The following WBP2 variants were observed in gnomAD, a reference collection of about 807,000 sequenced individuals.
WBP2 encodes the protein WW domain binding protein 2.
In WBP2, 23 loss-of-function variants were observed where a neutral mutation model predicts 33.0. The observed-to-expected ratio is 0.70, with a 90% CI of 0.50 to 0.99. WBP2 has a LOEUF of 0.99. Among genes scored for constraint, WBP2 ranks in the 50% least tolerant of loss-of-function variants. The probability of loss-of-function intolerance (pLI) is 0.00; values close to 1 mark genes in which losing one functional copy is unlikely to be tolerated. For synonymous variants in WBP2, 153 were observed against 133.5 expected (o/e 1.15, Z -1.01); for missense variants, 353 against 358.0 (o/e 0.99, Z 0.11).
In WBP2 at chr17:75,848,633, A is replaced by G. The variant is rs2065009957; in HGVS notation, c.334T>C (p.Leu112=). The change falls in exon 4 of 8, where the codon TTG becomes CTG. Residue 112 remains leucine, a synonymous_variant. Coordinates refer to ENST00000254806, the MANE Select transcript of WBP2 (RefSeq NM_012478.4). ...GGWEGSASYK[L]TFTAGGAIEF... is the part of the protein sequence containing the mutation. ...ATGGCGCCCCCTGCCGTGAAAGTCA[A>G]CTTGTAGGAAGCAGAGCCTTCCCAG... 5.6e-6 allele frequency: 9 copies of G among 1,614,046 alleles called. No individual in the cohort carries two copies. The East Asian group carries it at 2.0e-4, about 36-fold the overall frequency.
rs11645 is a variant in WBP2 at position 75,846,412 on chromosome 17, G to C, written c.*322C>G. The C allele has an allele frequency of 7.0e-6, 3 of 429,166 alleles. No homozygotes were observed. Among genetic ancestry groups the C allele is most frequent in the African/African-American group, 6.2e-5 (3 of 48,640 alleles). The allele number at this position is 429,166 out of a possible 1,614,324, so 26.6% of individuals were successfully genotyped here. ...CTGAGGGAGCTGGACTGCGGTGGAG[G>C]AGGTGGCCAGAGAGTCCCTTCGAGG... On this transcript the variant is annotated 3_prime_UTR_variant, in exon 8 of 8. Transcript: ENST00000254806. This position sits in a 1 kb window ranked among gnomAD's most constrained non-coding sequence, Gnocchi z 4.8.
Position 75,846,949 on chromosome 17 carries a change from A to G in WBP2, c.691T>C (p.Tyr231His). The G allele has an allele frequency of 6.2e-7, 1 of 1,614,082 alleles. No homozygotes were observed. The highest frequency in any genetic ancestry group is 8.5e-7 in the Non-Finnish European group (1 of 1,179,986). Residue 231 changes from tyrosine to histidine, a missense_variant, in exon 7 of 8, where the codon TAT (tyrosine) becomes CAT (histidine). Physicochemically the swap from Tyr to His is moderately conservative, Grantham distance 83 (BLOSUM62 2). Transcript: ENST00000254806. The surrounding 1 kb of genome is among the most constrained non-coding windows in gnomAD (Gnocchi z 4.8). ...AKAAEAAASA[Y>H]YNPGNPHNVY... is the part of the protein sequence containing the mutation. ...TTGTGAGGATTGCCTGGGTTGTAAT[A>G]GGCGCTGGCGGCTGCTTCTGCGGCC...
chr17:75,848,022 C>T (rs2065005826), intron 4 of WBP2, 92 bp from the exon 5 acceptor site: 2 of 1,493,314 alleles, frequency 1.3e-6, no homozygotes, highest in Admixed American at 2.0e-5. Flanking sequence ...GCTACTGGGT[C>T]TCAGGAATGT....
chr17:75,848,208 A>G, intron 4 of WBP2: 1 of 592,064 alleles, frequency 1.7e-6, no homozygotes, highest in Non-Finnish European at 3.0e-6. Context: ...CTGGGGTAGG[A>G]GTGAGCTGGC....
At position 75,846,598 on chromosome 17, in the gene WBP2, C is replaced by A; in HGVS notation, c.*136G>T. 8.7e-7 allele frequency: 1 copy of A among 1,149,410 alleles called. No individual in the cohort carries two copies. The highest frequency in any genetic ancestry group is 1.3e-6 in the Non-Finnish European group (1 of 787,134). 71.2% of individuals were successfully genotyped at this position (1,149,410 alleles called of 1,614,324 possible). A position where few individuals can be genotyped will look rare whatever the true frequency, so the allele number is the denominator to read the frequency against. ...CCGGGGGCCCTAATGTCCCACAATG[C>A]TAGTTCCTGGTAATTGTTTATGATC... On this transcript the variant is annotated 3_prime_UTR_variant, in exon 8 of 8. Coordinates refer to ENST00000254806, the MANE Select transcript of WBP2 (RefSeq NM_012478.4). This position sits in a 1 kb window ranked among gnomAD's most constrained non-coding sequence, Gnocchi z 4.8.
At chr17:75,851,285 C>A (rs942740241) in intron 2 of WBP2, 8 of 316,148 alleles carry the variant, frequency 2.5e-5, no homozygotes, top group African/African-American at 1.7e-4. Flanking sequence ...CCTCCAGGCC[C>A]AAGTCATGCC....
intron 3 of WBP2, chr17:75,848,869 G>A: frequency 3.4e-6 from 2 of 595,900 alleles, no homozygotes; most frequent in Non-Finnish European, 6.0e-6. Context: ...TGGCCCTGCT[G>A]TACTCGCTTC....
intron 2 of WBP2, chr17:75,851,131 T>G (rs1388474512): frequency 6.2e-6 from 1 of 160,124 alleles, no homozygotes; most frequent in Non-Finnish European, 1.4e-5. Context: ...TTTGTCATTC[T>G]GCGGGGTGGT....
intron 1 of WBP2, chr17:75,852,676 C>T (rs996374491): frequency 2.0e-5 from 8 of 400,704 alleles, no homozygotes; most frequent in African/African-American, 6.5e-5. Flanking sequence ...AGGATGGTCT[C>T]GATCTCCTGA....
In WBP2 at chr17:75,847,943, G is replaced by A. The variant is rs1460723238; in HGVS notation, c.398-13C>T. 1 of 1,562,696 alleles carries A rather than the reference G, an allele frequency of 6.4e-7. No individual in the cohort carries two copies. The highest frequency in any genetic ancestry group is 1.2e-5 in the South Asian group (1 of 84,896). ...TCACCTCTGGAGGCTACGAGTACAA[G>A]GGGAAAGAGAAATGAGCGTGGCCTG... On this transcript the variant is annotated splice_polypyrimidine_tract_variant and intron_variant, in intron 4 of 7. Transcript: ENST00000254806.
In WBP2 at chr17:75,847,605, G is replaced by A. The variant is rs1397968138; in HGVS notation, c.537C>T (p.Phe179=). Residue 179 remains phenylalanine, a synonymous_variant, in exon 6 of 8, where the codon TTC becomes TTT. Coordinates refer to ENST00000254806, the MANE Select transcript of WBP2 (RefSeq NM_012478.4). ...CGTCCATCATGGGGGGTCCTGGATA[G>A]AACTCTGCTCGGTGAGAGAGTAACA... ...GYPYPPPPPE[F]YPGPPMMDGA... is the part of the protein sequence containing the mutation. The A allele has an allele frequency of 6.8e-6, 11 of 1,612,974 alleles. No homozygotes were observed. Among genetic ancestry groups the A allele is most frequent in the Non-Finnish European group, 9.3e-6 (11 of 1,179,702 alleles).
chr17:75,855,177 C>A, intron 1 of WBP2, 62 bp downstream of exon 1: 1 of 1,371,920 alleles, frequency 7.3e-7, no homozygotes, highest in South Asian at 1.2e-5. Flanking sequence ...ACCCACCACC[C>A]ACCGCCCACT....
chr17:75,847,289 G>A, intron 6 of WBP2, 198 bp downstream of exon 6: 1 of 893,566 alleles, frequency 1.1e-6, no homozygotes. Context: ...AGGGCACATG[G>A]ATAGCTAAGG....
At chr17:75,851,054 T>G (rs1252735725) in intron 2 of WBP2, 2 of 154,106 alleles carry the variant, frequency 1.3e-5, no homozygotes, top group Non-Finnish European at 2.9e-5. Flanking sequence ...AACATCCATT[T>G]GTATTTCTCA....
chr17:75,855,432 C>T, upstream of WBP2: 1 of 874,468 alleles, frequency 1.1e-6, no homozygotes, highest in Non-Finnish European at 1.9e-6. Flanking sequence ...AACACCTGAC[C>T]CGAACGTCAC....
At chr17:75,851,789 C>G in intron 1 of WBP2, 113 bp from the exon 2 acceptor site, 2 of 756,262 alleles carry the variant, frequency 2.6e-6, no homozygotes, top group Non-Finnish European at 4.7e-6. Context: ...CTCATAACCT[C>G]TCAATAGTGC....
chr17:75,846,157 CA>C lies in WBP2; in HGVS notation c.*576del, dbSNP rs1310616500. Reference sequence around the variant, plus strand: ...ACCCAAGCCCTGGAAGCTCATTTTACAGCTTCAAAAGTCACACAGGGTGGCA... The same window carrying C: ...ACCCAAGCCCTGGAAGCTCATTTTACGCTTCAAAAGTCACACAGGGTGGCA... On this transcript the variant is annotated 3_prime_UTR_variant, in exon 8 of 8. Transcript: ENST00000254806. This position sits in a 1 kb window ranked among gnomAD's most constrained non-coding sequence, Gnocchi z 4.8. 3 of 153,146 alleles carry C rather than the reference CA, an allele frequency of 2.0e-5. No individual in the cohort carries two copies. Among genetic ancestry groups the C allele is most frequent in the African/African-American group, 7.2e-5 (3 of 41,466 alleles). The allele number at this position is 153,146 out of a possible 1,614,324, so 9.5% of individuals were successfully genotyped here.
At chr17:75,854,236 G>C (rs72860383) in intron 1 of WBP2, among the ~76,000 whole-genome samples, 1 of 151,876 alleles carries the variant, frequency 6.6e-6, no homozygotes, top group Non-Finnish European at 1.5e-5. Context: ...GCTGGATGCT[G>C]GCCTTAGCTG....
At chr17:75,854,814 T>C (rs1269641838) in intron 1 of WBP2, among the ~76,000 whole-genome samples, 1 of 152,202 alleles carries the variant, frequency 6.6e-6, no homozygotes, top group Non-Finnish European at 1.5e-5. Flanking sequence ...ACCTGTGAAA[T>C]GTGGACAGTA....
Sources: allele counts gnomAD v4.1 joint callset (sites outside exome capture counted in the v4.1 genomes callset), GRCh38; gene constraint gnomAD v4.1.1; non-coding constraint Gnocchi (gnomAD v3.1); transcripts MANE v1.5; gene names NCBI Gene and HGNC (gene_info 2026-07-23, HGNC 2026-07-21).